The following NKAIN2 variants were observed in gnomAD, a reference collection of about 807,000 sequenced individuals.
The protein encoded by NKAIN2 is sodium/potassium-transporting ATPase subunit beta-1-interacting protein 2.
A neutral mutation model predicts 32.6 loss-of-function variants in NKAIN2; 14 were observed. The observed-to-expected ratio is 0.43, with a 90% CI of 0.28 to 0.67. The LOEUF (loss-of-function observed/expected upper bound fraction) is 0.67. Among genes scored for constraint, NKAIN2 ranks in the 30% least tolerant of loss-of-function variants. The probability of loss-of-function intolerance (pLI) is 0.17; values close to 1 mark genes in which losing one functional copy is unlikely to be tolerated. For missense variants in NKAIN2, 198 were observed against 258.3 expected, an observed-to-expected ratio of 0.77 and a Z score of 1.60; for synonymous variants, 80 against 87.2, an observed-to-expected ratio of 0.92 and a Z score of 0.46.
At chr6:124,018,894 A>T (rs1301831089) in intron 1 of NKAIN2, among the ~76,000 whole-genome samples, 4 of 152,128 alleles carry the variant, frequency 2.6e-5, no homozygotes, top group Non-Finnish European at 5.9e-5. Flanking sequence ...TTACTGTATT[A>T]GTCTGTTCTC....
chr6:124,668,141 T>C (rs1772901422), intron 4 of NKAIN2, among the ~76,000 whole-genome samples: 1 of 152,196 alleles, frequency 6.6e-6, no homozygotes. Context: ...CATAACTTTT[T>C]ATATACATAT....
chr6:124,024,725 A>G (rs1781027904), intron 1 of NKAIN2, among the ~76,000 whole-genome samples: 1 of 152,120 alleles, frequency 6.6e-6, no homozygotes, highest in African/African-American at 2.4e-5. Context: ...GTGGTGGCTC[A>G]TGCCTGTAAT....
intron 3 of NKAIN2, among the ~76,000 whole-genome samples, chr6:124,393,727 T>A (rs1368989433): frequency 3.3e-5 from 5 of 152,260 alleles, no homozygotes; most frequent in African/African-American, 1.2e-4. Flanking sequence ...AGTTCCACCC[T>A]GGAACCTAGT....
chr6:124,412,692 C>T (rs937279731), intron 3 of NKAIN2, among the ~76,000 whole-genome samples: 1 of 152,200 alleles, frequency 6.6e-6, no homozygotes, highest in Non-Finnish European at 1.5e-5. Flanking sequence ...CCACTACTCT[C>T]TTCAAAGCTG....
chr6:124,408,910 C>T (rs1774005879), intron 3 of NKAIN2, among the ~76,000 whole-genome samples: 1 of 152,278 alleles, frequency 6.6e-6, no homozygotes, highest in East Asian at 1.9e-4. Flanking sequence ...AGTGGTCTTT[C>T]ACATCCCTTG....
At chr6:124,773,582 TA>T (rs1778856059) in intron 4 of NKAIN2, among the ~76,000 whole-genome samples, 1 of 152,140 alleles carries the variant, frequency 6.6e-6, no homozygotes, top group Non-Finnish European at 1.5e-5. Context: ...AGAATTTTTC[TA>T]AGTAGAATAC....
At chr6:123,817,098 T>C (rs1362696350) in intron 1 of NKAIN2, among the ~76,000 whole-genome samples, 5 of 152,122 alleles carry the variant, frequency 3.3e-5, no homozygotes, top group African/African-American at 1.2e-4. Context: ...TTAGGGAAAG[T>C]CTGGAGACAA....
intron 3 of NKAIN2, among the ~76,000 whole-genome samples, chr6:124,372,755 C>A (rs1322537597): frequency 6.6e-6 from 1 of 152,094 alleles, no homozygotes; most frequent in Non-Finnish European, 1.5e-5. Context: ...GATTCTAATT[C>A]TTGTTCCATT....
At chr6:124,150,970 AATCCTT>A (rs1201887482) in intron 1 of NKAIN2, among the ~76,000 whole-genome samples, 101 of 152,068 alleles carry the variant, frequency 6.6e-4, no homozygotes, top group Admixed American at 3.5e-3. Context: ...TTTTCTGTAA[AATCCTT>A]ATTCTTCTTT....
At chr6:123,820,643 C>G (rs1773885040) in intron 1 of NKAIN2, among the ~76,000 whole-genome samples, 1 of 152,070 alleles carries the variant, frequency 6.6e-6, no homozygotes, top group Non-Finnish European at 1.5e-5. Context: ...TCCTTGCCAG[C>G]CATTCTGTAC....
intron 1 of NKAIN2, among the ~76,000 whole-genome samples, chr6:124,089,267 A>G (rs1342686223): frequency 6.6e-6 from 1 of 151,648 alleles, no homozygotes; most frequent in Non-Finnish European, 1.5e-5. Flanking sequence ...CCATAATTCT[A>G]CCAGGCACAT....
chr6:124,175,161 T>C (rs1454980685), intron 1 of NKAIN2, among the ~76,000 whole-genome samples: 1 of 152,146 alleles, frequency 6.6e-6, no homozygotes, highest in Non-Finnish European at 1.5e-5. Context: ...CTTTGCACTT[T>C]ACTTCTGTTA....
intron 1 of NKAIN2, among the ~76,000 whole-genome samples, chr6:123,844,896 A>T (rs1317646461): frequency 6.6e-6 from 1 of 152,230 alleles, no homozygotes; most frequent in Non-Finnish European, 1.5e-5. Flanking sequence ...TTGCTATTGT[A>T]TGCAGGCCTA....
chr6:124,436,227 C>A (rs1215174271), intron 3 of NKAIN2, among the ~76,000 whole-genome samples: 1 of 152,098 alleles, frequency 6.6e-6, no homozygotes, highest in African/African-American at 2.4e-5. Context: ...AAATGTTATT[C>A]ATTAAAACTA....
intron 1 of NKAIN2, among the ~76,000 whole-genome samples, chr6:124,101,776 A>G (rs1784903406): frequency 6.6e-6 from 1 of 152,136 alleles, no homozygotes; most frequent in South Asian, 2.1e-4. Flanking sequence ...CCAAGAGTAC[A>G]TGACTGACTT....
intron 1 of NKAIN2, among the ~76,000 whole-genome samples, chr6:123,907,154 GGTTACTGTCAT>G (rs1399946241): frequency 6.6e-6 from 1 of 151,994 alleles, no homozygotes; most frequent in Non-Finnish European, 1.5e-5. Context: ...CTATCAGTAT[GGTTACTGTCAT>G]GTTTCACTTT....
Position 124,363,127 on chromosome 6 carries a change from G to A in NKAIN2, c.273+7780G>A, listed in dbSNP as rs1385361019. ...TGGGATTACAGGCATGAGCCACCAC[G>A]CTCAGCCAGAATTTTTTATGTGGAC... is the stretch of plus-strand genomic sequence containing the variant. On this transcript the variant is annotated intron_variant, in intron 3 of 6. Coordinates refer to ENST00000368417, the MANE Select transcript of NKAIN2 (RefSeq NM_001040214.3). Among the ~76,000 whole-genome samples the A allele has an allele frequency of 5.3e-5, 8 of 152,098 alleles. No individual in the cohort carries two copies. The South Asian group carries it at 6.2e-4, about 12-fold the overall frequency.
intron 1 of NKAIN2, among the ~76,000 whole-genome samples, chr6:123,972,188 C>G (rs1202007909): frequency 6.6e-6 from 1 of 152,148 alleles, no homozygotes; most frequent in Non-Finnish European, 1.5e-5. Flanking sequence ...ATGTGTTCAT[C>G]AATGGTTTAT....
intron 1 of NKAIN2, among the ~76,000 whole-genome samples, chr6:124,260,976 C>T (rs1794224931): frequency 6.6e-6 from 1 of 152,072 alleles, no homozygotes; most frequent in Admixed American, 6.6e-5. Flanking sequence ...AGTTCTTGGC[C>T]CTGTGAGAAA....
Sources: gnomAD v4.1 joint callset for allele counts (sites outside exome capture counted in the v4.1 genomes callset) on GRCh38, gnomAD v4.1.1 for gene constraint, MANE v1.5 for transcripts, NCBI Gene and HGNC (gene_info 2026-07-23, HGNC 2026-07-21) for gene names.